Variants in ST8SIA6 observed in about 807,000 individuals in gnomAD.
ST8SIA6 encodes the protein ST8 alpha-N-acetyl-neuraminide alpha-2,8-sialyltransferase 6.
A neutral mutation model predicts 33.6 loss-of-function variants in ST8SIA6; 39 were observed. That is an observed-to-expected ratio of 1.16 (90% CI 0.90 to 1.52). The LOEUF (loss-of-function observed/expected upper bound fraction) is 1.52. Among genes scored for constraint, ST8SIA6 ranks in the 40% most tolerant of loss-of-function variants. The pLI, the probability that ST8SIA6 is intolerant of heterozygous loss-of-function variation, is 0.00. For synonymous variants in ST8SIA6, 172 were observed against 167.2 expected (o/e 1.03, Z -0.22); for missense variants, 441 against 443.8 (o/e 0.99, Z 0.06).
chr10:17,401,192 A>C (rs1160287315), intron 2 of ST8SIA6, among the ~76,000 whole-genome samples: 1 of 152,172 alleles, frequency 6.6e-6, no homozygotes, highest in Non-Finnish European at 1.5e-5. Flanking sequence ...TGCTTCAAAG[A>C]GAATAAAATA....
intron 4 of ST8SIA6, among the ~76,000 whole-genome samples, chr10:17,354,454 A>G (rs1849131470): frequency 6.6e-6 from 1 of 152,172 alleles, no homozygotes; most frequent in Admixed American, 6.5e-5. Context: ...TCAAGCTTTT[A>G]AAAGCAGAAA....
chr10:17,380,648 C>A (rs1245192982), intron 3 of ST8SIA6, among the ~76,000 whole-genome samples: 1 of 152,180 alleles, frequency 6.6e-6, no homozygotes, highest in African/African-American at 2.4e-5. Context: ...TTTGTCCTAG[C>A]TGAAATATGG....
At chr10:17,427,094 A>G (rs1232842755) in intron 2 of ST8SIA6, among the ~76,000 whole-genome samples, 1 of 131,730 alleles carries the variant, frequency 7.6e-6, no homozygotes, top group Admixed American at 7.9e-5. Flanking sequence ...ACAGAGCAAG[A>G]CTGTGTCTGA....
chr10:17,388,431 A>G (rs968956133), intron 3 of ST8SIA6, among the ~76,000 whole-genome samples: 1 of 152,210 alleles, frequency 6.6e-6, no homozygotes, highest in African/African-American at 2.4e-5. Context: ...TCAAACTCCA[A>G]CACCCCCAGG....
intron 2 of ST8SIA6, among the ~76,000 whole-genome samples, chr10:17,451,022 CTG>C (rs1332696867): frequency 2.0e-5 from 3 of 152,192 alleles, no homozygotes; most frequent in Admixed American, 6.5e-5. Flanking sequence ...TGTGTTAACT[CTG>C]TGACTGTGGG....
intron 2 of ST8SIA6, among the ~76,000 whole-genome samples, chr10:17,392,208 G>T (rs1381487107): frequency 6.6e-6 from 1 of 152,194 alleles, no homozygotes; most frequent in Non-Finnish European, 1.5e-5. Flanking sequence ...ATAGAATTAT[G>T]AACCGTGATT....
intron 4 of ST8SIA6, among the ~76,000 whole-genome samples, chr10:17,353,978 T>C (rs550252474): frequency 7.6e-4 from 116 of 152,320 alleles, no homozygotes; most frequent in African/African-American, 2.6e-3. Flanking sequence ...ACTGTTACTG[T>C]GTACCTATTA....
At chr10:17,352,447 G>C (rs1474489874) in intron 4 of ST8SIA6, among the ~76,000 whole-genome samples, 1 of 152,114 alleles carries the variant, frequency 6.6e-6, no homozygotes, top group African/African-American at 2.4e-5. Flanking sequence ...TAAAACACTG[G>C]AGAAAGATCT....
intron 3 of ST8SIA6, among the ~76,000 whole-genome samples, chr10:17,383,001 T>A (rs1228362728): frequency 6.6e-6 from 1 of 152,086 alleles, no homozygotes; most frequent in Non-Finnish European, 1.5e-5. Flanking sequence ...TATTTTATAA[T>A]GAAGATTAAA....
chr10:17,407,727 G>A (rs7087335), intron 2 of ST8SIA6, among the ~76,000 whole-genome samples: 87,873 of 152,012 alleles, frequency 0.58, 26,950 homozygotes, highest in African/African-American at 0.78. Flanking sequence ...GACAATGCCA[G>A]TCCCACTGGA....
At chr10:17,341,920 A>AAAC (rs1313586384) in intron 4 of ST8SIA6, among the ~76,000 whole-genome samples, 1 of 150,466 alleles carries the variant, frequency 6.6e-6, no homozygotes, top group African/African-American at 2.4e-5. Context: ...AAAAAAAAAA[A>AAAC]ACAAAAAGAA....
At chr10:17,326,157 G>A (rs45626440) in intron 6 of ST8SIA6, among the ~76,000 whole-genome samples, 2,857 of 152,146 alleles carry the variant, frequency 0.019, 30 homozygotes, top group African/African-American at 0.023. Flanking sequence ...AAATGAGATT[G>A]AAATTGGGAG....
intron 2 of ST8SIA6, among the ~76,000 whole-genome samples, chr10:17,401,528 T>C (rs111468400): frequency 0.032 from 4,940 of 152,140 alleles, 83 homozygotes; most frequent in South Asian, 0.056. Context: ...TGACTTCAAA[T>C]TATACTACAA....
intron 4 of ST8SIA6, among the ~76,000 whole-genome samples, chr10:17,349,047 A>G (rs914736201): frequency 6.6e-6 from 1 of 152,228 alleles, no homozygotes; most frequent in Non-Finnish European, 1.5e-5. Context: ...CAAGCCACAG[A>G]CAGTTCATAT....
intron 4 of ST8SIA6, among the ~76,000 whole-genome samples, chr10:17,356,879 T>A (rs1849209222): frequency 6.6e-6 from 1 of 152,074 alleles, no homozygotes; most frequent in South Asian, 2.1e-4. Flanking sequence ...CATCTCTGGA[T>A]TTGAAGAGAC....
At chr10:17,415,586 A>C (rs1279668040) in intron 2 of ST8SIA6, among the ~76,000 whole-genome samples, 1 of 152,070 alleles carries the variant, frequency 6.6e-6, no homozygotes, top group Non-Finnish European at 1.5e-5. Context: ...AAGCTTCTAA[A>C]TCCCATTGGG....
rs1847749734 is a variant in ST8SIA6, at chr10:17,315,658, T to A, written c.*5220A>T. Among the ~76,000 whole-genome samples, 1 of 151,992 alleles carries A rather than the reference T, an allele frequency of 6.6e-6. No individual in the cohort carries two copies. The highest frequency in any genetic ancestry group is 2.4e-5 in the African/African-American group (1 of 41,430). ...CAGTAAGATTCCATTTATATAAAAT[T>A]CTAAAAAATGTAAACAGTCTATAGT... On this transcript the variant is annotated 3_prime_UTR_variant, in exon 8 of 8. Coordinates refer to ENST00000377602, the MANE Select transcript of ST8SIA6 (RefSeq NM_001004470.3).
chr10:17,322,523 T>C (rs898781474), intron 7 of ST8SIA6, among the ~76,000 whole-genome samples: 1 of 152,214 alleles, frequency 6.6e-6, no homozygotes, highest in African/African-American at 2.4e-5. Context: ...CATATTCTAT[T>C]ACTAATGCTT....
At chr10:17,447,863 A>G (rs1852776947) in intron 2 of ST8SIA6, among the ~76,000 whole-genome samples, 1 of 152,154 alleles carries the variant, frequency 6.6e-6, no homozygotes, top group East Asian at 1.9e-4. Flanking sequence ...TGTCCAGGAT[A>G]GAGTGCAGTG....
Sources: allele counts gnomAD v4.1 joint callset (sites outside exome capture counted in the v4.1 genomes callset), GRCh38; gene constraint gnomAD v4.1.1; transcripts MANE v1.5; gene names NCBI Gene and HGNC (gene_info 2026-07-23, HGNC 2026-07-21).